The following GALNT10 variants were observed in gnomAD, a reference collection of about 807,000 sequenced individuals.
GALNT10 encodes polypeptide N-acetylgalactosaminyltransferase 10.
In GALNT10, 41 loss-of-function variants were observed where a neutral mutation model predicts 75.0. That is an observed-to-expected ratio of 0.55 (90% CI 0.43 to 0.71). The LOEUF is 0.71. Ranked by LOEUF, GALNT10 falls within the 30% of genes least tolerant of loss-of-function variation. The pLI is 0.00. For synonymous variants in GALNT10, 302 were observed against 313.0 expected, an observed-to-expected ratio of 0.96 and a Z score of 0.37; for missense variants, 727 against 818.5, an observed-to-expected ratio of 0.89 and a Z score of 1.36.
At chr5:154,222,178 T>A (rs2113656302) in intron 1 of GALNT10, among the ~76,000 whole-genome samples, 1 of 152,178 alleles carries the variant, frequency 6.6e-6, no homozygotes, top group Non-Finnish European at 1.5e-5. Flanking sequence ...TGGATGAGTT[T>A]ACATTTTCTA....
At chr5:154,387,048 A>G (rs1246474285) in intron 7 of GALNT10, 1 of 153,066 alleles carries the variant, frequency 6.5e-6, no homozygotes, top group Non-Finnish European at 1.5e-5. Flanking sequence ...TATCGTGAAG[A>G]TTAAATGAGA....
chr5:154,197,459 T>C (rs1213519699), intron 1 of GALNT10, among the ~76,000 whole-genome samples: 1 of 152,172 alleles, frequency 6.6e-6, no homozygotes, highest in Non-Finnish European at 1.5e-5. Flanking sequence ...TGTGTATTTA[T>C]GCGTGTGTAG....
chr5:154,402,636 TAGG>T lies in GALNT10; in HGVS notation c.1057-1465_1057-1463del, dbSNP rs1756192510. 6.6e-6 allele frequency among the ~76,000 whole-genome samples: 1 copy of T among 152,136 alleles called. No homozygotes were observed. Among genetic ancestry groups the T allele is most frequent in the Admixed American group, 6.5e-5 (1 of 15,278 alleles). On this transcript the variant is annotated intron_variant, in intron 7 of 11. Coordinates refer to ENST00000297107, the MANE Select transcript of GALNT10 (RefSeq NM_198321.4). This position sits in a 1 kb window ranked among gnomAD's most constrained non-coding sequence, Gnocchi z 4.2. Reference sequence around the variant, plus strand: ...TGATAGCTCCACCTTGGGTCTCGCATAGGAGAATAGTCAGGCCATGAGCCAGGG... The same window carrying T: ...TGATAGCTCCACCTTGGGTCTCGCATAGAATAGTCAGGCCATGAGCCAGGG...
At chr5:154,271,259 G>A (rs1217458163) in intron 1 of GALNT10, among the ~76,000 whole-genome samples, 1 of 152,038 alleles carries the variant, frequency 6.6e-6, no homozygotes, top group Non-Finnish European at 1.5e-5. Flanking sequence ...CTGAGGTCAG[G>A]AGTTCGAGAC....
rs970644582 is a variant in GALNT10, at chr5:154,402,182, C to T, written c.1057-1922C>T. 1.3e-5 allele frequency among the ~76,000 whole-genome samples: 2 copies of T among 152,180 alleles called. No homozygotes were observed. The highest frequency in any genetic ancestry group is 2.1e-4 in the South Asian group (1 of 4,826). ...TCTGTGAAGACTCCTTGTTCTGCCC[C>T]GTGAGGGCCCTGCGGGAGCCCTGCC... On this transcript the variant is annotated intron_variant, in intron 7 of 11. Coordinates refer to ENST00000297107, the MANE Select transcript of GALNT10 (RefSeq NM_198321.4). The surrounding 1 kb of genome is among the most constrained non-coding windows in gnomAD (Gnocchi z 4.2).
intron 1 of GALNT10, among the ~76,000 whole-genome samples, chr5:154,277,364 C>T (rs191719687): frequency 1.3e-5 from 2 of 152,012 alleles, no homozygotes; most frequent in African/African-American, 2.4e-5. Flanking sequence ...ACAAGTCTCT[C>T]GAAGCTTGGA....
chr5:154,378,967 C>T, intron 5 of GALNT10, among the ~76,000 whole-genome samples: 1 of 151,158 alleles, frequency 6.6e-6, no homozygotes, highest in Middle Eastern at 3.2e-3. Context: ...TAAGAATCCC[C>T]AGGGAATCTG....
At chr5:154,345,278 A>G (rs1755104340) in intron 4 of GALNT10, among the ~76,000 whole-genome samples, 1 of 151,762 alleles carries the variant, frequency 6.6e-6, no homozygotes, top group Non-Finnish European at 1.5e-5. Flanking sequence ...TGTGTTCATC[A>G]CCTCCCATAG....
chr5:154,196,804 C>A (rs550394563), intron 1 of GALNT10, among the ~76,000 whole-genome samples: 1 of 152,248 alleles, frequency 6.6e-6, no homozygotes, highest in Non-Finnish European at 1.5e-5. Flanking sequence ...ACTTAACGTA[C>A]CCTAGAGCTA....
intron 1 of GALNT10, among the ~76,000 whole-genome samples, chr5:154,225,098 G>C (rs535144022): frequency 1.3e-5 from 2 of 148,432 alleles, no homozygotes; most frequent in Non-Finnish European, 3.0e-5. Context: ...GGGTTTTTTT[G>C]TTTGTTTTTT....
At chr5:154,236,870 C>T (rs1673683048) in intron 1 of GALNT10, among the ~76,000 whole-genome samples, 1 of 152,200 alleles carries the variant, frequency 6.6e-6, no homozygotes, top group Admixed American at 6.5e-5. Flanking sequence ...CCAGGCTGCG[C>T]TGTGCCCTTT....
intron 3 of GALNT10, among the ~76,000 whole-genome samples, chr5:154,329,006 T>C (rs1394887427): frequency 6.6e-6 from 1 of 151,994 alleles, no homozygotes; most frequent in Non-Finnish European, 1.5e-5. Flanking sequence ...AGCTTCTAAT[T>C]ATGGCATGTT....
At chr5:154,321,556 T>C (rs564534159) in intron 3 of GALNT10, among the ~76,000 whole-genome samples, 1 of 152,266 alleles carries the variant, frequency 6.6e-6, no homozygotes, top group South Asian at 2.1e-4. Context: ...ACTCATGAGC[T>C]CAAGTGATCC....
chr5:154,373,506 C>T (rs1755609498), intron 4 of GALNT10, among the ~76,000 whole-genome samples: 2 of 152,092 alleles, frequency 1.3e-5, no homozygotes, highest in Admixed American at 6.5e-5. Flanking sequence ...CTCTGAGCCT[C>T]GGCATCTCCT....
At chr5:154,300,441 G>A (rs1373996739) in intron 3 of GALNT10, among the ~76,000 whole-genome samples, 1 of 152,180 alleles carries the variant, frequency 6.6e-6, no homozygotes, top group Non-Finnish European at 1.5e-5. Context: ...CCAGACCACT[G>A]AAATCTGAAT....
chr5:154,218,013 C>T, intron 1 of GALNT10: 1 of 985,288 alleles, frequency 1.0e-6, no homozygotes, highest in Non-Finnish European at 1.2e-6. Context: ...TTTCTTCCTT[C>T]TATTTCTCCT....
intron 8 of GALNT10, among the ~76,000 whole-genome samples, chr5:154,404,726 G>A (rs75808885): frequency 0.022 from 3,421 of 152,282 alleles, 66 homozygotes; most frequent in Non-Finnish European, 0.034. Context: ...ATTAATACAG[G>A]TGGTGTGGTG....
chr5:154,305,471 C>T (rs992920764), intron 3 of GALNT10, among the ~76,000 whole-genome samples: 1 of 152,138 alleles, frequency 6.6e-6, no homozygotes, highest in African/African-American at 2.4e-5. Context: ...GCAAGAAACA[C>T]ACTTTAAATG....
intron 1 of GALNT10, among the ~76,000 whole-genome samples, chr5:154,271,450 G>A (rs1337796327): frequency 6.6e-6 from 1 of 152,056 alleles, no homozygotes; most frequent in Non-Finnish European, 1.5e-5. Context: ...TGGGCAACAA[G>A]GACGAAACTC....
Sources: gnomAD v4.1 joint callset for allele counts (sites outside exome capture counted in the v4.1 genomes callset) on GRCh38, gnomAD v4.1.1 for gene constraint, Gnocchi (gnomAD v3.1) non-coding constraint, MANE v1.5 for transcripts, NCBI Gene and HGNC (gene_info 2026-07-23, HGNC 2026-07-21) for gene names.